The following MEF2A variants were observed in gnomAD, a reference collection of about 807,000 sequenced individuals.
The protein encoded by MEF2A is myocyte-specific enhancer factor 2A.
A neutral mutation model predicts 55.8 loss-of-function variants in MEF2A; 28 were observed. That is an observed-to-expected ratio of 0.50 (90% CI 0.37 to 0.69). The LOEUF is 0.69. Ranked by LOEUF, MEF2A falls within the 30% of genes least tolerant of loss-of-function variation. The pLI, the probability that MEF2A is intolerant of heterozygous loss-of-function variation, is 0.00. For synonymous variants in MEF2A, 239 were observed against 227.1 expected, an observed-to-expected ratio of 1.05 and a Z score of -0.47; for missense variants, 528 against 626.2, an observed-to-expected ratio of 0.84 and a Z score of 1.67.
At chr15:99,600,559 T>C (rs1972634637) in intron 2 of MEF2A, among the ~76,000 whole-genome samples, 1 of 152,178 alleles carries the variant, frequency 6.6e-6, no homozygotes, top group South Asian at 2.1e-4. Context: ...AGGTCAGTGA[T>C]CCATTTTGAA....
At chr15:99,570,680 G>A (rs1961808994) in intron 1 of MEF2A, among the ~76,000 whole-genome samples, 2 of 152,016 alleles carry the variant, frequency 1.3e-5, no homozygotes, top group Non-Finnish European at 2.9e-5. Flanking sequence ...TAAAACAAGC[G>A]GCTCTTGCAT....
chr15:99,633,033 C>A lies in MEF2A; in HGVS notation c.-87C>A. The A allele has an allele frequency of 9.4e-7, 1 of 1,060,156 alleles. No homozygotes were observed. Among genetic ancestry groups the A allele is most frequent in the Non-Finnish European group, 1.4e-6 (1 of 718,470 alleles). The allele number at this position is 1,060,156 out of a possible 1,614,324, so 65.7% of individuals were successfully genotyped here. ...GGACTAGAAGCTGAAATAACAGAAGCTGTGTACGATGCATTAGGGTATTGA... is the reference window on the plus strand; with the variant it reads ...GGACTAGAAGCTGAAATAACAGAAGATGTGTACGATGCATTAGGGTATTGA... On this transcript the variant is annotated 5_prime_UTR_variant, in exon 3 of 12. It adds an upstream start codon to the 5' untranslated region. Coordinates refer to ENST00000557942, the MANE Select transcript of MEF2A (RefSeq NM_001319206.4).
intron 4 of MEF2A, among the ~76,000 whole-genome samples, chr15:99,657,846 G>A (rs2047994932): frequency 6.6e-6 from 1 of 152,098 alleles, no homozygotes; most frequent in African/African-American, 2.4e-5. Context: ...AAGAAAAATA[G>A]AACATATCTG....
At chr15:99,698,738 G>C (rs1313098988) in intron 8 of MEF2A, among the ~76,000 whole-genome samples, 2 of 151,926 alleles carry the variant, frequency 1.3e-5, no homozygotes, top group Non-Finnish European at 2.9e-5. Context: ...GTTGCAGTGA[G>C]CCAAGATCAT....
chr15:99,653,995 C>G (rs752824589), intron 4 of MEF2A, among the ~76,000 whole-genome samples: 1 of 152,032 alleles, frequency 6.6e-6, no homozygotes, highest in Non-Finnish European at 1.5e-5. Flanking sequence ...TAGAGGAATT[C>G]AAGACATTAG....
At chr15:99,691,911 G>A (rs955996558) in intron 8 of MEF2A, among the ~76,000 whole-genome samples, 1 of 152,046 alleles carries the variant, frequency 6.6e-6, no homozygotes, top group African/African-American at 2.4e-5. Flanking sequence ...TGAGTCTTAA[G>A]TCTGTTTGTA....
intron 4 of MEF2A, among the ~76,000 whole-genome samples, chr15:99,660,384 G>A (rs946144027): frequency 2.0e-5 from 3 of 152,112 alleles, no homozygotes; most frequent in African/African-American, 7.2e-5. Flanking sequence ...GTTAGGAGTG[G>A]CCATGTGACT....
At chr15:99,606,425 A>G (rs954840407) in intron 2 of MEF2A, among the ~76,000 whole-genome samples, 1 of 152,184 alleles carries the variant, frequency 6.6e-6, no homozygotes, top group African/African-American at 2.4e-5. Context: ...TGTTCTTGCA[A>G]AGTCACCATT....
intron 8 of MEF2A, among the ~76,000 whole-genome samples, chr15:99,693,579 G>A (rs900152717): frequency 5.3e-5 from 8 of 152,078 alleles, no homozygotes; most frequent in Admixed American, 2.6e-4. Flanking sequence ...CTATTCAAGC[G>A]AGAAAAAGGG....
intron 1 of MEF2A, among the ~76,000 whole-genome samples, chr15:99,574,305 C>T (rs1963549743): frequency 6.6e-6 from 1 of 152,086 alleles, no homozygotes; most frequent in Non-Finnish European, 1.5e-5. Flanking sequence ...TTTTTGGCAC[C>T]AGGGACCAGT....
intron 2 of MEF2A, among the ~76,000 whole-genome samples, chr15:99,601,097 G>A (rs2570803): frequency 0.92 from 140,000 of 152,206 alleles, 65,574 homozygotes; most frequent in East Asian, 1. Context: ...TTTCAGTGCA[G>A]TGGTCTGACA....
chr15:99,651,225 A>C (rs2046798730), intron 4 of MEF2A, among the ~76,000 whole-genome samples: 1 of 152,062 alleles, frequency 6.6e-6, no homozygotes, highest in South Asian at 2.1e-4. Context: ...TGTGGTGGGG[A>C]TGAGTCGGAG....
In MEF2A at chr15:99,716,396, T is replaced by C. The variant is rs1257629566; in HGVS notation, c.*3625T>C. On this transcript the variant is annotated 3_prime_UTR_variant, in exon 12 of 12. Coordinates refer to ENST00000557942, the MANE Select transcript of MEF2A (RefSeq NM_001319206.4). The stretch of plus-strand genomic sequence containing the variant: ...TTATACAATAAATATAATAGTGAAC[T>C]TTTTATCAAATGGTGAAGACAATGC... The C allele has an allele frequency of 2.5e-6, 1 of 405,460 alleles. No homozygotes were observed. The highest frequency in any genetic ancestry group is 7.4e-5 in the East Asian group (1 of 13,584). 25.1% of individuals were successfully genotyped at this position (405,460 alleles called of 1,614,324 possible).
intron 10 of MEF2A, among the ~76,000 whole-genome samples, chr15:99,708,388 T>A (rs1479917756): frequency 6.6e-6 from 1 of 152,244 alleles, no homozygotes; most frequent in Non-Finnish European, 1.5e-5. Flanking sequence ...TTTTTCAGTA[T>A]ACTTAGAAAT....
intron 4 of MEF2A, among the ~76,000 whole-genome samples, chr15:99,666,610 T>A (rs1000246863): frequency 6.1e-5 from 9 of 148,392 alleles, no homozygotes; most frequent in Admixed American, 1.3e-4. Context: ...ATAATAATAA[T>A]AAAAAGATCA....
chr15:99,663,466 T>C (rs1421943909), intron 4 of MEF2A, among the ~76,000 whole-genome samples: 2 of 151,988 alleles, frequency 1.3e-5, no homozygotes, highest in Admixed American at 1.3e-4. Flanking sequence ...TCCAAACAAA[T>C]AGAATCACAT....
intron 2 of MEF2A, among the ~76,000 whole-genome samples, chr15:99,629,980 C>T (rs1172438098): frequency 1.3e-5 from 2 of 151,092 alleles, no homozygotes; most frequent in East Asian, 3.9e-4. Context: ...GGACCTCCTT[C>T]TCCCTCCCCC....
At chr15:99,655,236 T>C (rs2153537511) in intron 4 of MEF2A, among the ~76,000 whole-genome samples, 1 of 152,164 alleles carries the variant, frequency 6.6e-6, no homozygotes, top group Non-Finnish European at 1.5e-5. Flanking sequence ...TAATTGATTT[T>C]TGACAAAAGA....
At chr15:99,580,643 T>C (rs1271801416) in intron 1 of MEF2A, among the ~76,000 whole-genome samples, 1 of 152,246 alleles carries the variant, frequency 6.6e-6, no homozygotes, top group Non-Finnish European at 1.5e-5. Context: ...ATTCAGAGGT[T>C]TGTGTCTATA....
Sources: allele counts gnomAD v4.1 joint callset (sites outside exome capture counted in the v4.1 genomes callset), GRCh38; gene constraint gnomAD v4.1.1; transcripts MANE v1.5; gene names NCBI Gene and HGNC (gene_info 2026-07-23, HGNC 2026-07-21).